The following MCEE variants were observed in gnomAD, a reference collection of about 807,000 sequenced individuals.
The protein encoded by MCEE is methylmalonyl-CoA epimerase.
A neutral mutation model predicts 12.9 loss-of-function variants in MCEE; 6 were observed. The ratio of observed to expected loss-of-function variants is 0.47; its 90% CI spans 0.26 to 0.92. The LOEUF is 0.92. MCEE is among the 40% of genes least tolerant of loss of function. MCEE has a pLI of 0.16. For synonymous variants in MCEE, 78 were observed against 77.9 expected (o/e 1.00, Z -0.01); for missense variants, 214 against 212.1 (o/e 1.01, Z -0.05).
intron 2 of MCEE, among the ~76,000 whole-genome samples, chr2:71,114,091 A>G (rs1672944930): frequency 6.6e-6 from 1 of 152,076 alleles, no homozygotes; most frequent in Admixed American, 6.6e-5. Context: ...AGGTTAGAAA[A>G]CAAAACAAAA....
intron 2 of MCEE, among the ~76,000 whole-genome samples, chr2:71,111,730 C>A (rs1672888935): frequency 6.6e-6 from 1 of 152,170 alleles, no homozygotes; most frequent in African/African-American, 2.4e-5. Flanking sequence ...CCTCAGACTT[C>A]CAACTCCTAT....
chr2:71,116,228 C>T (rs923524231), intron 2 of MCEE, among the ~76,000 whole-genome samples: 9 of 149,592 alleles, frequency 6.0e-5, no homozygotes, highest in Non-Finnish European at 1.0e-4. Context: ...CCCGCCACCA[C>T]GCCTGGCTAA....
In MCEE at chr2:71,115,266, A is replaced by G. The variant is rs945146111; in HGVS notation, c.379-5144T>C. ...GTCAGGTGTGGTGGCACACACCTGT[A>G]GTCTTAGCTACTCAGGAGGCTGAGA... On this transcript the variant is annotated intron_variant, in intron 2 of 2. Transcript: ENST00000244217. Among the ~76,000 whole-genome samples the G allele has an allele frequency of 2.1e-4, 32 of 152,184 alleles. 1 individual carries two copies. Among genetic ancestry groups the G allele is most frequent in the Non-Finnish European group, 4.3e-4 (29 of 68,034 alleles).
intron 2 of MCEE, among the ~76,000 whole-genome samples, chr2:71,111,189 G>C (rs1468307903): frequency 2.6e-5 from 4 of 152,026 alleles, no homozygotes; most frequent in Non-Finnish European, 4.4e-5. Context: ...TCATAGATAT[G>C]TCAAAGTCAC....
intron 1 of MCEE, among the ~76,000 whole-genome samples, chr2:71,124,946 T>G (rs1460183944): frequency 4.6e-5 from 7 of 151,918 alleles, no homozygotes; most frequent in Non-Finnish European, 7.4e-5. Context: ...TTGTCTTATA[T>G]TTTGTAATAA....
intron 1 of MCEE, among the ~76,000 whole-genome samples, chr2:71,126,109 C>G (rs946602454): frequency 6.6e-6 from 1 of 152,140 alleles, no homozygotes; most frequent in East Asian, 1.9e-4. Context: ...CTTGGCTTCC[C>G]AAAGTGCTGG....
chr2:71,116,293 C>T (rs924263490), intron 2 of MCEE, among the ~76,000 whole-genome samples: 5 of 150,102 alleles, frequency 3.3e-5, no homozygotes, highest in Non-Finnish European at 1.5e-5. Context: ...AGGATGGTCT[C>T]GATCTCCTGA....
At chr2:71,120,414 A>C (rs1673076729) in intron 2 of MCEE, among the ~76,000 whole-genome samples, 1 of 150,326 alleles carries the variant, frequency 6.7e-6, no homozygotes, top group Non-Finnish European at 1.5e-5. Context: ...GATTCAGTCC[A>C]TACTTGAGCA....
At chr2:71,121,850 AG>A (rs1558746569) in intron 2 of MCEE, among the ~76,000 whole-genome samples, 1 of 152,140 alleles carries the variant, frequency 6.6e-6, no homozygotes, top group African/African-American at 2.4e-5. Flanking sequence ...TCCCTGCTTA[AG>A]GTCTTATAGC....
chr2:71,113,690 T>C (rs552097742), intron 2 of MCEE, among the ~76,000 whole-genome samples: 1 of 152,202 alleles, frequency 6.6e-6, no homozygotes, highest in East Asian at 1.9e-4. Flanking sequence ...TAGATTGTAA[T>C]GCAAGTCATA....
intron 2 of MCEE, among the ~76,000 whole-genome samples, chr2:71,121,889 TA>T (rs1673107105): frequency 6.6e-6 from 1 of 152,180 alleles, no homozygotes; most frequent in African/African-American, 2.4e-5. Context: ...AAAACTCAGT[TA>T]ATATAATGAA....
At chr2:71,128,850 C>A (rs1476514754) in intron 1 of MCEE, among the ~76,000 whole-genome samples, 1 of 151,142 alleles carries the variant, frequency 6.6e-6, no homozygotes, top group Non-Finnish European at 1.5e-5. Flanking sequence ...ATTAGCCGGG[C>A]GTGGTGCCGG....
At chr2:71,120,913 T>A (rs1373459098) in intron 2 of MCEE, among the ~76,000 whole-genome samples, 1 of 152,084 alleles carries the variant, frequency 6.6e-6, no homozygotes, top group Non-Finnish European at 1.5e-5. Flanking sequence ...AATTTTTGTA[T>A]TTTAGTAGAG....
intron 2 of MCEE, chr2:71,117,033 T>G (rs1374739345): frequency 6.6e-6 from 1 of 150,770 alleles, no homozygotes; most frequent in Non-Finnish European, 1.5e-5. Context: ...ACATGACATT[T>G]GGACAGATTT....
At chr2:71,114,304 C>T (rs1672949058) in intron 2 of MCEE, among the ~76,000 whole-genome samples, 1 of 151,654 alleles carries the variant, frequency 6.6e-6, no homozygotes, top group South Asian at 2.1e-4. Flanking sequence ...ACCTATGTAG[C>T]AAACCTGCAT....
intron 2 of MCEE, among the ~76,000 whole-genome samples, chr2:71,116,142 G>A (rs1451071182): frequency 6.7e-6 from 1 of 149,786 alleles, no homozygotes; most frequent in Middle Eastern, 3.4e-3. Flanking sequence ...GTGCAGTGGT[G>A]CAATCTCAGC....
chr2:71,126,833 T>C (rs6715478), intron 1 of MCEE, among the ~76,000 whole-genome samples: 49,041 of 152,074 alleles, frequency 0.32, 9,912 homozygotes, highest in East Asian at 0.67. Flanking sequence ...TACAATGTGA[T>C]GTTTTAATAA....
Position 71,109,924 on chromosome 2 carries a change from G to T in MCEE, c.*46C>A, listed in dbSNP as rs1195078763. ...GTCATAGTACATTTTGATAGTATTT[G>T]ATAGGCTTTTTCAGGTCAATTAATT... On this transcript the variant is annotated 3_prime_UTR_variant, in exon 3 of 3. Transcript: ENST00000244217. 3 of 1,600,026 alleles carry T rather than the reference G, an allele frequency of 1.9e-6. No homozygotes were observed. The highest frequency in any genetic ancestry group is 2.6e-6 in the Non-Finnish European group (3 of 1,170,946).
intron 2 of MCEE, 122 bp downstream of exon 2, chr2:71,124,081 TATC>T (rs1344282484): frequency 4.3e-6 from 3 of 705,728 alleles, no homozygotes; most frequent in African/African-American, 3.6e-5. Flanking sequence ...GGATGAATAT[TATC>T]ATTCTCCTTA....
Sources: allele counts gnomAD v4.1 joint callset (sites outside exome capture counted in the v4.1 genomes callset), GRCh38; gene constraint gnomAD v4.1.1; transcripts MANE v1.5; gene names NCBI Gene and HGNC (gene_info 2026-07-23, HGNC 2026-07-21).